NRXN3: variants seen among roughly 807,000 people sequenced by gnomAD.
NRXN3 encodes neurexin III.
Under a neutral mutation model 137.6 loss-of-function variants are expected in NRXN3, and 32 were observed. The observed-to-expected ratio is 0.23, with a 90% CI of 0.18 to 0.31. The LOEUF (loss-of-function observed/expected upper bound fraction) is 0.31, where lower values mean the gene tolerates loss of function less well. NRXN3 is among the 10% of genes least tolerant of loss of function. The pLI, the probability that NRXN3 is intolerant of heterozygous loss-of-function variation, is 1.00. For missense variants in NRXN3, 1,574 were observed against 2,062.5 expected (o/e 0.76, Z 4.59); for synonymous variants, 798 against 784.5 (o/e 1.02, Z -0.29).
intron 4 of NRXN3, among the ~76,000 whole-genome samples, chr14:78,441,794 G>A (rs1229243809): frequency 1.6e-4 from 24 of 152,050 alleles, no homozygotes; most frequent in Admixed American, 1.5e-3. Context: ...TTAATGAGAA[G>A]CGTTTATGTA....
At chr14:79,827,026 G>A (rs1013449) in intron 20 of NRXN3, among the ~76,000 whole-genome samples, 138,566 of 152,216 alleles carry the variant, frequency 0.91, 63,114 homozygotes, top group East Asian at 1. Context: ...CTTTTTATTA[G>A]TGTTTTCACT....
chr14:79,083,643 A>AAATAG (rs2047503599), intron 15 of NRXN3, among the ~76,000 whole-genome samples: 2 of 152,236 alleles, frequency 1.3e-5, no homozygotes, highest in Admixed American at 1.3e-4. Context: ...CCTATGTAAA[A>AAATAG]AATAGGATAA....
At chr14:79,226,230 G>A (rs1234330392) in intron 15 of NRXN3, among the ~76,000 whole-genome samples, 1 of 152,060 alleles carries the variant, frequency 6.6e-6, no homozygotes, top group Non-Finnish European at 1.5e-5. Flanking sequence ...TCAAAACATA[G>A]CAAATGTCAA....
At chr14:78,683,366 G>T (rs1435601686) in intron 6 of NRXN3, among the ~76,000 whole-genome samples, 1 of 152,154 alleles carries the variant, frequency 6.6e-6, no homozygotes, top group African/African-American at 2.4e-5. Context: ...GTGACACTCA[G>T]TCATTCATCC....
intron 15 of NRXN3, among the ~76,000 whole-genome samples, chr14:79,259,117 G>T (rs1330680914): frequency 6.6e-6 from 1 of 152,148 alleles, no homozygotes; most frequent in African/African-American, 2.4e-5. Flanking sequence ...CTATACAGGG[G>T]AGAATCGCAA....
intron 10 of NRXN3, among the ~76,000 whole-genome samples, chr14:78,822,395 C>T (rs1283028992): frequency 6.6e-6 from 1 of 152,116 alleles, no homozygotes. Flanking sequence ...CATATGGAGG[C>T]TGGGTGTGGT....
At chr14:79,421,200 C>T (rs1331335933) in intron 15 of NRXN3, among the ~76,000 whole-genome samples, 2 of 152,146 alleles carry the variant, frequency 1.3e-5, no homozygotes, top group Non-Finnish European at 2.9e-5. Flanking sequence ...ACTTCAATTT[C>T]TCTCAGGCCA....
intron 4 of NRXN3, among the ~76,000 whole-genome samples, chr14:78,491,079 T>A (rs1244528522): frequency 6.6e-6 from 1 of 152,180 alleles, no homozygotes; most frequent in Non-Finnish European, 1.5e-5. Context: ...TGGGTCCCCT[T>A]GGACCTGCTG....
intron 15 of NRXN3, among the ~76,000 whole-genome samples, chr14:79,212,692 A>G (rs970725911): frequency 1.3e-5 from 2 of 152,142 alleles, no homozygotes; most frequent in South Asian, 4.1e-4. Context: ...CAAGCCCTAC[A>G]CAAATGGTAT....
intron 16 of NRXN3, chr14:79,661,913 G>A (rs2098536276): frequency 6.6e-6 from 1 of 152,104 alleles, no homozygotes; most frequent in Non-Finnish European, 1.5e-5. Context: ...TTGAATTATA[G>A]TTCCCATAAT....
intron 14 of NRXN3, among the ~76,000 whole-genome samples, chr14:78,971,198 G>C (rs1340656832): frequency 6.6e-6 from 1 of 152,056 alleles, no homozygotes; most frequent in African/African-American, 2.4e-5. Context: ...CTGCAAAAAG[G>C]CATCATTTTT....
chr14:78,400,750 T>C (rs938500884), intron 4 of NRXN3, among the ~76,000 whole-genome samples: 4 of 152,186 alleles, frequency 2.6e-5, no homozygotes, highest in Admixed American at 2.6e-4. Flanking sequence ...TGAAAATCAC[T>C]AAATGACTGC....
intron 8 of NRXN3, among the ~76,000 whole-genome samples, chr14:78,794,630 G>T (rs547750119): frequency 3.1e-3 from 469 of 151,226 alleles, no homozygotes; most frequent in Non-Finnish European, 5.2e-3. Context: ...GTGTGTGTGT[G>T]TGTGTATATA....
chr14:79,518,512 C>CTG (rs1461128944), intron 16 of NRXN3, among the ~76,000 whole-genome samples: 2 of 151,922 alleles, frequency 1.3e-5, no homozygotes, highest in African/African-American at 4.8e-5. Context: ...TACTAATGAG[C>CTG]TGTGTGTGTA....
At chr14:79,590,786 T>C (rs977918832) in intron 16 of NRXN3, among the ~76,000 whole-genome samples, 7 of 152,228 alleles carry the variant, frequency 4.6e-5, no homozygotes, top group Non-Finnish European at 8.8e-5. Context: ...GTTGATGGAC[T>C]CTTTCTCAAC....
At chr14:78,927,826 C>T (rs1597486285) in intron 10 of NRXN3, among the ~76,000 whole-genome samples, 1 of 152,106 alleles carries the variant, frequency 6.6e-6, no homozygotes, top group East Asian at 1.9e-4. Context: ...ACAGTGCAGT[C>T]GTTAAGGCAC....
At chr14:79,479,966 A>C (rs1024634331) in intron 16 of NRXN3, among the ~76,000 whole-genome samples, 2 of 152,208 alleles carry the variant, frequency 1.3e-5, no homozygotes, top group Non-Finnish European at 2.9e-5. Context: ...GGTGTATGAT[A>C]AATGCCATAT....
intron 16 of NRXN3, among the ~76,000 whole-genome samples, chr14:79,578,901 G>A (rs1254562726): frequency 6.6e-6 from 1 of 152,108 alleles, no homozygotes; most frequent in Admixed American, 6.5e-5. Flanking sequence ...GTATGTGGCT[G>A]TAAGTAAATC....
intron 15 of NRXN3, among the ~76,000 whole-genome samples, chr14:79,324,977 T>A (rs2090634740): frequency 6.6e-6 from 1 of 152,210 alleles, no homozygotes; most frequent in African/African-American, 2.4e-5. Flanking sequence ...GCCCTTCTTG[T>A]CTAAACACAT....
Sources: gnomAD v4.1 joint callset for allele counts (sites outside exome capture counted in the v4.1 genomes callset) on GRCh38, gnomAD v4.1.1 for gene constraint, MANE v1.5 for transcripts, NCBI Gene and HGNC (gene_info 2026-07-23, HGNC 2026-07-21) for gene names.